Variants in ZNF154 observed in about 807,000 individuals in gnomAD.
ZNF154 encodes the protein zinc finger protein 154, also known as zinc finger protein 154 (pHZ-92).
A neutral mutation model predicts 7.5 loss-of-function variants in ZNF154; 6 were observed. The observed-to-expected ratio is 0.80, with a 90% CI of 0.44 to 1.57. The LOEUF is 1.57. ZNF154 is among the 40% of genes most tolerant of loss of function. ZNF154 has a pLI of 0.01. For missense variants in ZNF154, 485 were observed against 531.4 expected (o/e 0.91, Z 0.86); for synonymous variants, 187 against 185.9 (o/e 1.01, Z -0.05).
chr19:57,703,563 A>G (rs536684733), intron 2 of ZNF154, among the ~76,000 whole-genome samples: 2 of 152,090 alleles, frequency 1.3e-5, no homozygotes, highest in South Asian at 4.2e-4. Context: ...ATGAGGTATC[A>G]CAAAGAGAGA....
In ZNF154 at chr19:57,697,803, A is replaced by G. The variant is rs529663923; in HGVS notation, c.*3832T>C. 6.6e-6 allele frequency: 1 copy of G among 152,312 alleles called. No homozygotes were observed. The highest frequency in any genetic ancestry group is 2.1e-4 in the South Asian group (1 of 4,830). 9.4% of individuals were successfully genotyped at this position (152,312 alleles called of 1,614,324 possible). On this transcript the variant is annotated 3_prime_UTR_variant, in exon 3 of 3. Coordinates refer to ENST00000684351, the MANE Select transcript of ZNF154 (RefSeq NM_001085384.3). ...ACTGGAGAAAGGTTCATCTGGCTTC[A>G]TAACAGTCTTTTCCATCTTTTTTTG...
chr19:57,701,499 AGT>A lies in ZNF154; in HGVS notation c.*134_*135del. 1 of 937,350 alleles carries A rather than the reference AGT, an allele frequency of 1.1e-6. No individual in the cohort carries two copies. The highest frequency in any genetic ancestry group is 1.6e-6 in the Non-Finnish European group (1 of 638,862). The allele number at this position is 937,350 out of a possible 1,614,324, so 58.1% of individuals were successfully genotyped here. ...CAACTGGACATCCCTACATATCAAA[AGT>A]GTCTTTCCCTTGTGAACTGTGTGGC... On this transcript the variant is annotated 3_prime_UTR_variant, in exon 3 of 3. Coordinates refer to ENST00000684351, the MANE Select transcript of ZNF154 (RefSeq NM_001085384.3).
Position 57,701,722 on chromosome 19 carries a change from C to T in ZNF154, c.1227G>A (p.Gly409=), listed in dbSNP as rs1337018050. The part of the protein sequence containing the change: ...GLIKHRRVHT[G]EKPYECTECG... Reference sequence around the variant, plus strand: ...ATTCCGTGCACTCATAAGGCTTCTCCCCAGTGTGAACCCTCCTGTGCTTAA... The same window carrying T: ...ATTCCGTGCACTCATAAGGCTTCTCTCCAGTGTGAACCCTCCTGTGCTTAA... Residue 409 remains glycine, a synonymous_variant, in exon 3 of 3, where the codon GGG becomes GGA. Transcript: ENST00000684351. 8 of 1,613,630 alleles carry T rather than the reference C, an allele frequency of 5.0e-6. No individual in the cohort carries two copies. Among genetic ancestry groups the T allele is most frequent in the Middle Eastern group, 1.6e-4 (1 of 6,084 alleles).
chr19:57,708,359 G>T (rs958146640), intron 1 of ZNF154, among the ~76,000 whole-genome samples: 1 of 152,160 alleles, frequency 6.6e-6, no homozygotes, highest in African/African-American at 2.4e-5. Context: ...CTTGTCAGGA[G>T]TTCCAGACCA....
In ZNF154 at chr19:57,700,230, G is replaced by T. The variant is rs1985067353; in HGVS notation, c.*1405C>A. The T allele has an allele frequency of 6.6e-6, 1 of 152,140 alleles. No individual in the cohort carries two copies. The highest frequency in any genetic ancestry group is 1.5e-5 in the Non-Finnish European group (1 of 68,030). 9.4% of individuals were successfully genotyped at this position (152,140 alleles called of 1,614,324 possible). A position where few individuals can be genotyped will look rare whatever the true frequency, so the allele number is the denominator to read the frequency against. On this transcript the variant is annotated 3_prime_UTR_variant, in exon 3 of 3. Transcript: ENST00000684351. ...CAGAAATGTTGGCTGGATCACAAAG[G>T]CTGTATCAATGGCCTAGACCTCCCT...
intron 1 of ZNF154, among the ~76,000 whole-genome samples, chr19:57,706,344 C>T (rs940358097): frequency 6.6e-6 from 1 of 152,170 alleles, no homozygotes; most frequent in African/African-American, 2.4e-5. Flanking sequence ...CCCTATTCCA[C>T]TTCCGTGCTG....
rs1367823054 is a variant in ZNF154, at chr19:57,701,958, A to G, written c.991T>C (p.Cys331Arg). Reference sequence around the variant, plus strand: ...CTAAAGGATTTCCCACATTCGCTGCACTTATAAGGCCTTTCTCCAGTGTGA... The same window carrying G: ...CTAAAGGATTTCCCACATTCGCTGCGCTTATAAGGCCTTTCTCCAGTGTGA... ...RVHTGERPYKCSECGKSFSQR... is the reference protein window; with the variant it reads ...RVHTGERPYKRSECGKSFSQR... The change falls in exon 3 of 3, where the codon TGC becomes CGC. Residue 331 changes from cysteine (C) to arginine (R), a missense_variant. By Grantham distance (180) the Cys-to-Arg change is radical. Coordinates refer to ENST00000684351, the MANE Select transcript of ZNF154 (RefSeq NM_001085384.3). 1.2e-6 allele frequency: 2 copies of G among 1,612,714 alleles called. No homozygotes were observed. Among genetic ancestry groups the G allele is most frequent in the Admixed American group, 1.7e-5 (1 of 59,802 alleles).
Position 57,702,574 on chromosome 19 carries a change from G to A in ZNF154, c.375C>T (p.Ile125=), listed in dbSNP as rs776480177. The A allele has an allele frequency of 1.9e-6, 3 of 1,614,082 alleles. No individual in the cohort carries two copies. Among genetic ancestry groups the A allele is most frequent in the Non-Finnish European group, 1.7e-6 (2 of 1,179,978 alleles). ...QSNSKSDGGA[I]SHRGKTHYNC... ...TGTAATGAGTTTTTCCTCTGTGACTGATGGCCCCACCGTCGCTTTTGCTAT... is the reference window on the plus strand; with the variant it reads ...TGTAATGAGTTTTTCCTCTGTGACTAATGGCCCCACCGTCGCTTTTGCTAT... Residue 125 remains isoleucine, a synonymous_variant, in exon 3 of 3, where the codon ATC becomes ATT. Coordinates refer to ENST00000684351, the MANE Select transcript of ZNF154 (RefSeq NM_001085384.3).
At chr19:57,706,976 G>T (rs1050131652) in intron 1 of ZNF154, among the ~76,000 whole-genome samples, 4 of 152,162 alleles carry the variant, frequency 2.6e-5, no homozygotes, top group Admixed American at 1.3e-4. Flanking sequence ...AGCCGGGCGT[G>T]GTGGCGCATG....
chr19:57,705,026 G>A (rs763292213), intron 1 of ZNF154, 47 bp from the exon 2 acceptor site: 1 of 1,573,464 alleles, frequency 6.4e-7, no homozygotes, highest in Non-Finnish European at 8.6e-7. Flanking sequence ...CCTATCCCAA[G>A]GACCCACAAT....
intron 2 of ZNF154, among the ~76,000 whole-genome samples, chr19:57,704,542 A>G (rs1161144365): frequency 6.6e-6 from 1 of 152,198 alleles, no homozygotes; most frequent in African/African-American, 2.4e-5. Flanking sequence ...TGGGGCACAC[A>G]GGATCCTCAA....
At chr19:57,703,777 C>T (rs907188615) in intron 2 of ZNF154, among the ~76,000 whole-genome samples, 2 of 152,018 alleles carry the variant, frequency 1.3e-5, no homozygotes, top group Non-Finnish European at 2.9e-5. Context: ...TTTGGGAGGC[C>T]AAGGTGGGTG....
chr19:57,699,647 G>T lies in ZNF154; in HGVS notation c.*1988C>A. 6.0e-6 allele frequency: 1 copy of T among 166,428 alleles called. No individual in the cohort carries two copies. The allele number at this position is 166,428 out of a possible 1,614,324, so 10.3% of individuals were successfully genotyped here. On this transcript the variant is annotated 3_prime_UTR_variant, in exon 3 of 3. Coordinates refer to ENST00000684351, the MANE Select transcript of ZNF154 (RefSeq NM_001085384.3). ...AAGAACTCAATGTCAACCATTCCAC[G>T]GCTGTTCAGCATTTGAAGGAAATTG...
rs1985160378 is a variant in ZNF154, at chr19:57,701,870, C to T, written c.1079G>A (p.Ser360Asn). The T allele has an allele frequency of 6.2e-7, 1 of 1,613,900 alleles. No homozygotes were observed. The highest frequency in any genetic ancestry group is 1.3e-5 in the African/African-American group (1 of 74,864). Reference protein sequence around the residue: ...VHTGERPYECSECGKFFPYSS... With the variant: ...VHTGERPYECNECGKFFPYSS... ...GTAGGGAAAGAACTTCCCACATTCA[C>T]TGCACTCATAAGGCCTCTCCCCAGT... The change falls in exon 3 of 3, where the codon AGT becomes AAT. Residue 360 changes from serine (S) to asparagine (N), a missense_variant. Coordinates refer to ENST00000684351, the MANE Select transcript of ZNF154 (RefSeq NM_001085384.3).
chr19:57,702,803 A>G lies in ZNF154; in HGVS notation c.161-15T>C, dbSNP rs1438460213. 1.3e-6 allele frequency: 2 copies of G among 1,589,790 alleles called. No homozygotes were observed. Among genetic ancestry groups the G allele is most frequent in the East Asian group, 2.2e-5 (1 of 44,474 alleles). On this transcript the variant is annotated splice_polypyrimidine_tract_variant and intron_variant, in intron 2 of 2. Coordinates refer to ENST00000684351, the MANE Select transcript of ZNF154 (RefSeq NM_001085384.3). ...ATGATGAACATCTGCAATGAAATAC[A>G]ATTATTTCCCACATGCCCCACCTCT...
chr19:57,704,988 A>G lies in ZNF154; in HGVS notation c.34-9T>C, dbSNP rs1316480044. On this transcript the variant is annotated splice_polypyrimidine_tract_variant and intron_variant, in intron 1 of 2. Coordinates refer to ENST00000684351, the MANE Select transcript of ZNF154 (RefSeq NM_001085384.3). ...TCAAAGGTCACAGTGCCCTGCCACA[A>G]TGGGAACAGATGAAACCACCAAGAG... 3 of 1,602,136 alleles carry G rather than the reference A, an allele frequency of 1.9e-6. No homozygotes were observed. Among genetic ancestry groups the G allele is most frequent in the Non-Finnish European group, 2.6e-6 (3 of 1,175,872 alleles).
rs902505680 is a variant in ZNF154, at chr19:57,700,759, GT to G, written c.*875del. 6.6e-6 allele frequency: 1 copy of G among 152,214 alleles called. No individual in the cohort carries two copies. The highest frequency in any genetic ancestry group is 2.4e-5 in the African/African-American group (1 of 41,446). 9.4% of individuals were successfully genotyped at this position (152,214 alleles called of 1,614,324 possible). On this transcript the variant is annotated 3_prime_UTR_variant, in exon 3 of 3. Transcript: ENST00000684351. ...ATATAAATTAGGACAATACCCTGTA[GT>G]TTTTTCTCAGAGGCCTTGAATAGCA...
rs1985319868 is a variant in ZNF154 at position 57,704,852 on chromosome 19, C to T, written c.160+1G>A. ...CACAGGAAAGGGTAAAAGAACCTTA[C>T]CTAGAGAGGTTAAAAGAGCCAAGTT... On this transcript the variant is annotated splice_donor_variant, in intron 2 of 2. Coordinates refer to ENST00000684351, the MANE Select transcript of ZNF154 (RefSeq NM_001085384.3). LOFTEE classifies it high-confidence loss of function. The T allele has an allele frequency of 3.1e-6, 5 of 1,611,962 alleles. No individual in the cohort carries two copies. Among genetic ancestry groups the T allele is most frequent in the Admixed American group, 1.7e-5 (1 of 59,254 alleles).
chr19:57,707,555 C>G (rs1985442091), intron 1 of ZNF154, among the ~76,000 whole-genome samples: 1 of 152,178 alleles, frequency 6.6e-6, no homozygotes, highest in Admixed American at 6.5e-5. Flanking sequence ...CTCAACCCCA[C>G]AGTCTGCTCT....
Sources: gnomAD v4.1 joint callset for allele counts (sites outside exome capture counted in the v4.1 genomes callset) on GRCh38, gnomAD v4.1.1 for gene constraint, MANE v1.5 for transcripts, NCBI Gene and HGNC (gene_info 2026-07-23, HGNC 2026-07-21) for gene names.